Variants in ASXL3 observed in about 807,000 individuals in gnomAD.
The protein encoded by ASXL3 is ASXL transcriptional regulator 3.
A neutral mutation model predicts 170.6 loss-of-function variants in ASXL3; 34 were observed. The ratio of observed to expected loss-of-function variants is 0.20; its 90% CI spans 0.15 to 0.27. ASXL3 has a LOEUF of 0.27. Among genes scored for constraint, ASXL3 ranks in the 10% least tolerant of loss-of-function variants. The probability of loss-of-function intolerance (pLI) is 1.00; values close to 1 mark genes in which losing one functional copy is unlikely to be tolerated. For missense variants in ASXL3, 2,592 were observed against 2,695.3 expected (o/e 0.96, Z 0.85); for synonymous variants, 1,002 against 989.1 (o/e 1.01, Z -0.24).
In ASXL3 at chr18:33,733,926, G is replaced by T. The variant is rs181863327; in HGVS notation, c.977-384G>T. On this transcript the variant is annotated intron_variant, in intron 9 of 11. Coordinates refer to ENST00000269197, the MANE Select transcript of ASXL3 (RefSeq NM_030632.3). The stretch of plus-strand genomic sequence containing the variant: ...ATATTTCACTACATTTATTATTATG[G>T]CTTATACAGGGCTTCATACATTGTA... 1.9e-3 allele frequency among the ~76,000 whole-genome samples: 284 copies of T among 152,062 alleles called. 1 individual carries two copies. Among genetic ancestry groups the T allele is most frequent in the Middle Eastern group, 6.8e-3 (2 of 294 alleles).
intron 2 of ASXL3, among the ~76,000 whole-genome samples, chr18:33,611,758 A>C (rs771080668): frequency 1.3e-5 from 2 of 152,026 alleles, no homozygotes; most frequent in Non-Finnish European, 2.9e-5. Flanking sequence ...AGAAGAGAGG[A>C]GTACGTCTAG....
chr18:33,617,745 T>C (rs2065449096), intron 2 of ASXL3, among the ~76,000 whole-genome samples: 1 of 152,186 alleles, frequency 6.6e-6, no homozygotes, highest in African/African-American at 2.4e-5. Flanking sequence ...ATTTCAGCTT[T>C]ATCAAGATCT....
chr18:33,668,178 T>C lies in ASXL3; in HGVS notation c.478-2495T>C, dbSNP rs146475657. On this transcript the variant is annotated intron_variant, in intron 5 of 11. Transcript: ENST00000269197. ...CTATAAAATTCTTCTGTAATCCAAG[T>C]ACTTTGGGAGGCTGAGGCAGGGAGA... is the stretch of plus-strand genomic sequence containing the variant. 3.5e-3 allele frequency among the ~76,000 whole-genome samples: 529 copies of C among 152,122 alleles called. 3 individuals are homozygous for C. Among genetic ancestry groups the C allele is most frequent in the Middle Eastern group, 0.01 (3 of 294 alleles).
intron 2 of ASXL3, among the ~76,000 whole-genome samples, chr18:33,637,520 G>T (rs922001139): frequency 5.3e-5 from 8 of 152,140 alleles, no homozygotes; most frequent in African/African-American, 1.9e-4. Flanking sequence ...AATATGATGG[G>T]AGAGAATGAG....
chr18:33,674,416 C>A (rs1022032368), intron 7 of ASXL3, among the ~76,000 whole-genome samples: 4 of 152,126 alleles, frequency 2.6e-5, no homozygotes, highest in African/African-American at 9.7e-5. Flanking sequence ...ACAATTCTGT[C>A]AAAAATAAAC....
chr18:33,745,439 G>C lies in ASXL3; in HGVS notation c.5591G>C (p.Gly1864Ala). The change falls in exon 12 of 12, where the codon GGC (glycine) becomes GCC (alanine). Residue 1864 changes from glycine (G) to alanine (A), a missense_variant. Physicochemically the swap from Gly to Ala is moderately conservative, Grantham distance 60. Transcript: ENST00000269197. ...GGGGTGCCTTGTGTCATCAGTTCCG[G>C]CATCAGTCAGCTAGGACACAGCCAG... ...VKGVPCVISS[G>A]ISQLGHSQPF... The C allele has an allele frequency of 6.2e-7, 1 of 1,613,952 alleles. No individual in the cohort carries two copies. The highest frequency in any genetic ancestry group is 8.5e-7 in the Non-Finnish European group (1 of 1,179,880).
intron 1 of ASXL3, among the ~76,000 whole-genome samples, chr18:33,589,070 G>C (rs2065056928): frequency 6.6e-6 from 1 of 152,022 alleles, no homozygotes; most frequent in Non-Finnish European, 1.5e-5. Context: ...CTGTTATATG[G>C]GTTATGGAGA....
In ASXL3 at chr18:33,743,530, C is replaced by T. The variant is rs749701695; in HGVS notation, c.3682C>T (p.Pro1228Ser). ...SSTSSENSSV[P>S]MLFNKNSVPV... is the part of the protein sequence containing the mutation. ...TACCTCTTCTGAAAATAGCAGTGTG[C>T]CCATGCTTTTTAATAAAAATTCTGT... is the stretch of plus-strand genomic sequence containing the variant. The change falls in exon 12 of 12, where the codon CCC (proline) becomes TCC (serine). Residue 1228 changes from proline to serine, a missense_variant. This residue lies in a region of ASXL3 where 2,246 missense variants were observed against 2,219.6 expected (regional missense o/e 1.01). Transcript: ENST00000269197. 4.2e-5 allele frequency: 67 copies of T among 1,613,092 alleles called. No individual in the cohort carries two copies. The Admixed American group carries it at 1.1e-3, about 26-fold the overall frequency.
chr18:33,581,647 A>T (rs992479446), intron 1 of ASXL3, among the ~76,000 whole-genome samples: 4 of 152,174 alleles, frequency 2.6e-5, no homozygotes, highest in African/African-American at 9.7e-5. Flanking sequence ...TGTAACTAAG[A>T]CTTTCCAGTT....
At chr18:33,646,820 A>G (rs1344413693) in intron 4 of ASXL3, among the ~76,000 whole-genome samples, 1 of 118,806 alleles carries the variant, frequency 8.4e-6, no homozygotes, top group East Asian at 2.7e-4. Flanking sequence ...GCCAAATAAG[A>G]TATTTTCTTG....
intron 8 of ASXL3, among the ~76,000 whole-genome samples, chr18:33,729,835 C>T (rs2067413956): frequency 6.6e-6 from 1 of 151,960 alleles, no homozygotes; most frequent in Admixed American, 6.6e-5. Context: ...GTTGTCTTGC[C>T]CTGTCAGGAT....
At chr18:33,741,410 T>C (rs910759109) in intron 11 of ASXL3, among the ~76,000 whole-genome samples, 2 of 152,180 alleles carry the variant, frequency 1.3e-5, no homozygotes, top group African/African-American at 4.8e-5. Context: ...TTATTGAGCA[T>C]ATTAATTAAT....
chr18:33,729,443 G>C (rs901110898), intron 8 of ASXL3, among the ~76,000 whole-genome samples: 1 of 152,056 alleles, frequency 6.6e-6, no homozygotes, highest in Non-Finnish European at 1.5e-5. Flanking sequence ...GAACTAAGTG[G>C]ATTCAACTGT....
At chr18:33,649,622 C>T (rs1038018570) in intron 4 of ASXL3, 8 of 152,102 alleles carry the variant, frequency 5.3e-5, no homozygotes, top group African/African-American at 1.4e-4. Flanking sequence ...TGTATAGTGA[C>T]TGAAGCTGGG....
chr18:33,625,978 T>A (rs995470946), intron 2 of ASXL3: 11 of 152,132 alleles, frequency 7.2e-5, no homozygotes, highest in African/African-American at 2.7e-4. Flanking sequence ...ATTCTGGAAC[T>A]AGAGGAAGTT....
intron 5 of ASXL3, 126 bp downstream of exon 5, chr18:33,661,863 C>A: frequency 9.5e-7 from 1 of 1,054,226 alleles, no homozygotes; most frequent in Non-Finnish European, 1.3e-6. Flanking sequence ...TCAATCCCAT[C>A]CATGATATTC....
At chr18:33,654,755 A>G (rs943209560) in intron 4 of ASXL3, among the ~76,000 whole-genome samples, 5 of 151,922 alleles carry the variant, frequency 3.3e-5, no homozygotes, top group Non-Finnish European at 7.4e-5. Context: ...ATTACTCTCC[A>G]TTACCCTGTG....
In ASXL3 at chr18:33,652,094, C is replaced by T. The variant is rs78562087; in HGVS notation, c.355+5741C>T. On this transcript the variant is annotated intron_variant, in intron 4 of 11. Coordinates refer to ENST00000269197, the MANE Select transcript of ASXL3 (RefSeq NM_030632.3). ...ATTTAGGTGAATTACTTGATATATC[C>T]GTGTTGACAACCCATGACCATTTAT... Among the ~76,000 whole-genome samples the T allele has an allele frequency of 4.3e-3, 646 of 152,000 alleles. 4 individuals carry two copies. The highest frequency in any genetic ancestry group is 0.013 in the Admixed American group (196 of 15,258).
intron 8 of ASXL3, among the ~76,000 whole-genome samples, chr18:33,724,167 T>A (rs2067307505): frequency 6.6e-6 from 1 of 152,088 alleles, no homozygotes; most frequent in Admixed American, 6.6e-5. Context: ...ATAACATTTT[T>A]TATTGAGTCC....
Sources: allele counts gnomAD v4.1 joint callset (sites outside exome capture counted in the v4.1 genomes callset), GRCh38; gene constraint gnomAD v4.1.1; regional missense constraint gnomAD v4.1.1; transcripts MANE v1.5; gene names NCBI Gene and HGNC (gene_info 2026-07-23, HGNC 2026-07-21).